The following HEMK2 variants were observed in gnomAD, a reference collection of about 807,000 sequenced individuals.
HEMK2 encodes the protein methyltransferase HEMK2.
the HEMK2 span, among the ~76,000 whole-genome samples, chr21:28,661,185 C>T: frequency 6.6e-6 from 1 of 151,986 alleles, no homozygotes; most frequent in African/African-American, 2.4e-5. Context: ...TTTCTTCTAT[C>T]TTTGATGTCT....
the HEMK2 span, among the ~76,000 whole-genome samples, chr21:28,735,997 A>C: frequency 2.6e-5 from 4 of 152,200 alleles, no homozygotes; most frequent in African/African-American, 4.8e-5. Context: ...AAACTAAAGC[A>C]GATCAGCCCA....
At chr21:28,781,440 T>A in the HEMK2 span, among the ~76,000 whole-genome samples, 3 of 150,052 alleles carry the variant, frequency 2.0e-5, no homozygotes, top group Non-Finnish European at 3.0e-5. Flanking sequence ...GTTCCTGTGT[T>A]CAGAGCTCCC....
chr21:28,855,251 G>A, the HEMK2 span, among the ~76,000 whole-genome samples: 13 of 151,958 alleles, frequency 8.6e-5, no homozygotes, highest in South Asian at 2.1e-4. Context: ...AACAACATTC[G>A]AAAGAGACAA....
At chr21:28,864,815 A>ATAGAT in the HEMK2 span, among the ~76,000 whole-genome samples, 74 of 83,676 alleles carry the variant, frequency 8.8e-4, no homozygotes, top group East Asian at 0.011. Context: ...TGAAAGACAG[A>ATAGAT]CAGACAGATA....
At chr21:28,589,898 G>A in the HEMK2 span, among the ~76,000 whole-genome samples, 17 of 152,192 alleles carry the variant, frequency 1.1e-4, no homozygotes, top group African/African-American at 3.6e-4. Context: ...TCAAAACTCA[G>A]GTGCATAACA....
the HEMK2 span, among the ~76,000 whole-genome samples, chr21:28,788,546 G>A: frequency 6.6e-6 from 1 of 151,914 alleles, no homozygotes; most frequent in African/African-American, 2.4e-5. Context: ...GAGGGGCAAG[G>A]GATAAAAGAC....
chr21:28,797,482 C>CTGGGCACACTGA, the HEMK2 span, among the ~76,000 whole-genome samples: 57,465 of 150,726 alleles, frequency 0.38, 11,862 homozygotes, highest in East Asian at 0.55. Context: ...AACAAATTAG[C>CTGGGCACACTGA]TGTGTGCCTG....
chr21:28,682,212 A>T, the HEMK2 span, among the ~76,000 whole-genome samples: 2 of 151,940 alleles, frequency 1.3e-5, no homozygotes, highest in Non-Finnish European at 2.9e-5. Context: ...CAAGAAAAAA[A>T]CAAACAACCC....
At chr21:28,631,930 T>C in the HEMK2 span, among the ~76,000 whole-genome samples, 1 of 152,306 alleles carries the variant, frequency 6.6e-6, no homozygotes, top group East Asian at 1.9e-4. Flanking sequence ...TCAATTTATA[T>C]TATTTACATT....
At chr21:28,620,819 A>G in the HEMK2 span, among the ~76,000 whole-genome samples, 1 of 151,360 alleles carries the variant, frequency 6.6e-6, no homozygotes, top group Non-Finnish European at 1.5e-5. Context: ...GACTACAGGC[A>G]CATGCCACCA....
chr21:28,765,950 T>C, the HEMK2 span, among the ~76,000 whole-genome samples: 1 of 152,186 alleles, frequency 6.6e-6, no homozygotes, highest in Admixed American at 6.5e-5. Flanking sequence ...AATTCACATA[T>C]ACACCATGGA....
At chr21:28,727,238 T>C in the HEMK2 span, among the ~76,000 whole-genome samples, 1 of 152,294 alleles carries the variant, frequency 6.6e-6, no homozygotes, top group East Asian at 1.9e-4. Flanking sequence ...CGTATTCCCT[T>C]GGGAAGGAGA....
the HEMK2 span, among the ~76,000 whole-genome samples, chr21:28,641,698 T>G: frequency 1.3e-5 from 2 of 152,218 alleles, no homozygotes; most frequent in Admixed American, 6.5e-5. Flanking sequence ...TTATTTCACT[T>G]AGAAAAATAT....
the HEMK2 span, among the ~76,000 whole-genome samples, chr21:28,734,775 A>G: frequency 6.6e-6 from 1 of 152,250 alleles, no homozygotes; most frequent in Non-Finnish European, 1.5e-5. Context: ...GTGCACGCTC[A>G]GCATTAAGAC....
At chr21:28,815,024 T>C in the HEMK2 span, among the ~76,000 whole-genome samples, 3 of 152,004 alleles carry the variant, frequency 2.0e-5, no homozygotes, top group Non-Finnish European at 4.4e-5. Flanking sequence ...ATGTGGCACA[T>C]ATACACCATG....
At chr21:28,868,021 T>C in the HEMK2 span, among the ~76,000 whole-genome samples, 3 of 152,260 alleles carry the variant, frequency 2.0e-5, no homozygotes, top group Admixed American at 6.5e-5. Flanking sequence ...TAATCACTTA[T>C]ACAGTACTAT....
At chr21:28,863,395 T>G in the HEMK2 span, among the ~76,000 whole-genome samples, 1 of 116,312 alleles carries the variant, frequency 8.6e-6, no homozygotes, top group Non-Finnish European at 1.7e-5. Context: ...GAGTTAATAC[T>G]TAATAAACTC....
the HEMK2 span, among the ~76,000 whole-genome samples, chr21:28,863,415 TATATA>T: frequency 1.3e-4 from 1 of 7,818 alleles, no homozygotes; most frequent in Non-Finnish European, 4.6e-4. Flanking sequence ...CCCTTTTATA[TATATA>T]TATATATATA....
chr21:28,779,775 T>C, the HEMK2 span, among the ~76,000 whole-genome samples: 2 of 152,162 alleles, frequency 1.3e-5, no homozygotes, highest in Admixed American at 1.3e-4. Context: ...AGGTGTCTAT[T>C]TCTTTACAAG....
Sources: gnomAD v4.1 joint callset for allele counts (sites outside exome capture counted in the v4.1 genomes callset) on GRCh38, gnomAD v4.1.1 for gene constraint, MANE v1.5 for transcripts, NCBI Gene and HGNC (gene_info 2026-07-23, HGNC 2026-07-21) for gene names.